MYO5A: variants seen among roughly 807,000 people sequenced by gnomAD.
The protein encoded by MYO5A is myosin VA.
Under a neutral mutation model 249.7 loss-of-function variants are expected in MYO5A, and 98 were observed. The observed-to-expected ratio is 0.39, with a 90% CI of 0.33 to 0.46. The LOEUF is 0.46. Among genes scored for constraint, MYO5A ranks in the 20% least tolerant of loss-of-function variants. MYO5A has a pLI of 0.98. For missense variants in MYO5A, 1,696 were observed against 2,308.8 expected, an observed-to-expected ratio of 0.73 and a Z score of 5.44; for synonymous variants, 778 against 810.6, an observed-to-expected ratio of 0.96 and a Z score of 0.68.
At chr15:52,434,093 G>A (rs565086614) in intron 1 of MYO5A, among the ~76,000 whole-genome samples, 6 of 150,574 alleles carry the variant, frequency 4.0e-5, no homozygotes, top group East Asian at 2.0e-4. Flanking sequence ...TCTGCCTCCC[G>A]GGTTCAAGTG....
At chr15:52,367,781 C>T (rs551961266) in intron 22 of MYO5A, among the ~76,000 whole-genome samples, 52 of 151,796 alleles carry the variant, frequency 3.4e-4, no homozygotes, top group Non-Finnish European at 6.3e-4. Flanking sequence ...TAAGCATTGA[C>T]ATTACAACAA....
At chr15:52,486,281 T>C (rs1226448266) in intron 1 of MYO5A, among the ~76,000 whole-genome samples, 2 of 152,216 alleles carry the variant, frequency 1.3e-5, no homozygotes, top group Admixed American at 1.3e-4. Context: ...TTAATCCTAA[T>C]AGCCCTATCG....
chr15:52,523,173 C>T (rs1282663755), intron 1 of MYO5A, among the ~76,000 whole-genome samples: 8 of 152,306 alleles, frequency 5.3e-5, no homozygotes, highest in African/African-American at 1.4e-4. Flanking sequence ...TAATCCATCT[C>T]GGAGAGACCT....
chr15:52,478,441 C>T (rs1482833810), intron 1 of MYO5A, among the ~76,000 whole-genome samples: 1 of 152,144 alleles, frequency 6.6e-6, no homozygotes, highest in East Asian at 1.9e-4. Flanking sequence ...TCCGACAAGC[C>T]CCAGTGAGAT....
intron 22 of MYO5A, among the ~76,000 whole-genome samples, chr15:52,367,455 T>C (rs2040865404): frequency 6.6e-6 from 1 of 152,172 alleles, no homozygotes; most frequent in African/African-American, 2.4e-5. Context: ...TTTTTTACTT[T>C]ACATTAAACA....
chr15:52,485,876 T>A (rs1401709086), intron 1 of MYO5A, among the ~76,000 whole-genome samples: 3 of 152,218 alleles, frequency 2.0e-5, no homozygotes, highest in Non-Finnish European at 4.4e-5. Flanking sequence ...GTTGCTTCTT[T>A]GAAAACACTA....
chr15:52,379,467 G>A (rs550618194), intron 18 of MYO5A, among the ~76,000 whole-genome samples, 158 bp downstream of exon 18: 21 of 152,222 alleles, frequency 1.4e-4, no homozygotes, highest in African/African-American at 5.1e-4. Context: ...TATCATCCTC[G>A]CTAGTTCCAG....
In MYO5A at chr15:52,392,204, C is replaced by T; in HGVS notation, c.1402-134G>A. ...AACCTCACGGGAGAAGCATGATTTA[C>T]ACACAGAGAAAGCAAATAAAACAAC... On this transcript the variant is annotated intron_variant, in intron 11 of 41. Transcript: ENST00000399233. 12 of 854,278 alleles carry T rather than the reference C, an allele frequency of 1.4e-5. No individual in the cohort carries two copies. In the South Asian group the frequency reaches 1.9e-4, roughly 14 times the overall value. The allele number at this position is 854,278 out of a possible 1,614,324, so 52.9% of individuals were successfully genotyped here. A position where few individuals can be genotyped will look rare whatever the true frequency, so the allele number is the denominator to read the frequency against.
chr15:52,426,004 AAAGAAGTC>A, intron 3 of MYO5A, 30 bp from the exon 4 acceptor site: 1 of 1,601,104 alleles, frequency 6.2e-7, no homozygotes. Context: ...CAAGAAAGAA[AAAGAAGTC>A]AATGATACCC....
At chr15:52,523,364 C>G (rs2077662793) in intron 1 of MYO5A, among the ~76,000 whole-genome samples, 1 of 152,130 alleles carries the variant, frequency 6.6e-6, no homozygotes, top group Admixed American at 6.5e-5. Context: ...ATCTTTATAC[C>G]CTGCTTCGTC....
chr15:52,433,395 T>C (rs1364364788), intron 1 of MYO5A, 110 bp from the exon 2 acceptor site: 2 of 537,482 alleles, frequency 3.7e-6, no homozygotes, highest in East Asian at 3.8e-5. Flanking sequence ...AAAGAAATCT[T>C]GGCCAACATG....
intron 20 of MYO5A, among the ~76,000 whole-genome samples, chr15:52,373,792 C>A (rs1479774356): frequency 1.3e-5 from 2 of 152,074 alleles, no homozygotes; most frequent in Middle Eastern, 3.2e-3. Context: ...AAACCTCTTT[C>A]CTCCCTAAAA....
chr15:52,422,659 C>G (rs762232460), intron 4 of MYO5A, among the ~76,000 whole-genome samples: 7 of 152,198 alleles, frequency 4.6e-5, no homozygotes, highest in Non-Finnish European at 8.8e-5. Context: ...CCCAACTAGT[C>G]TCCTGGCCTC....
At chr15:52,450,002 C>CA (rs987737689) in intron 1 of MYO5A, among the ~76,000 whole-genome samples, 93 of 147,666 alleles carry the variant, frequency 6.3e-4, no homozygotes, top group African/African-American at 1.8e-3. Flanking sequence ...ATCCTGTCTC[C>CA]AAAAAAAAAA....
intron 2 of MYO5A, among the ~76,000 whole-genome samples, chr15:52,431,243 A>AAAAAAAAAAAAAAAAAAC (rs1392073022): frequency 6.9e-6 from 1 of 145,192 alleles, no homozygotes; most frequent in African/African-American, 2.6e-5. Context: ...AAAAAAAAAA[A>AAAAAAAAAAAAAAAAAAC]AAAGTCTAGT....
intron 1 of MYO5A, chr15:52,438,046 T>C: frequency 1.0e-6 from 1 of 985,374 alleles, no homozygotes; most frequent in Non-Finnish European, 1.2e-6. Flanking sequence ...TTTCTGTGGT[T>C]CTTTTCCATC....
rs529036264 is a variant in MYO5A, at chr15:52,389,166, A to T, written c.1668+72T>A. 3.4e-6 allele frequency: 5 copies of T among 1,485,150 alleles called. No homozygotes were observed. The African/African-American group carries it at 7.0e-5, about 21-fold the overall frequency. 92.0% of individuals were successfully genotyped at this position (1,485,150 alleles called of 1,614,324 possible). On this transcript the variant is annotated intron_variant, in intron 13 of 41. Coordinates refer to ENST00000399233, the MANE Select transcript of MYO5A (RefSeq NM_001382347.1). ...AAACATCAGCAAAAGAAAAAAAAAG[A>T]TACCTCCTGACTATTGGGTTTTTTC...
intron 39 of MYO5A, among the ~76,000 whole-genome samples, chr15:52,317,651 A>T (rs1004712261): frequency 6.6e-6 from 1 of 152,214 alleles, no homozygotes; most frequent in African/African-American, 2.4e-5. Flanking sequence ...GCAAACTCCA[A>T]ATCAGGTAAC....
At chr15:52,442,292 G>C (rs2075799396) in intron 1 of MYO5A, among the ~76,000 whole-genome samples, 1 of 152,162 alleles carries the variant, frequency 6.6e-6, no homozygotes, top group African/African-American at 2.4e-5. Context: ...GCAAGGAGGG[G>C]GACAGATGGG....
Sources: allele counts gnomAD v4.1 joint callset (sites outside exome capture counted in the v4.1 genomes callset), GRCh38; gene constraint gnomAD v4.1.1; transcripts MANE v1.5; gene names NCBI Gene and HGNC (gene_info 2026-07-23, HGNC 2026-07-21).